Variants in CMSS1 observed in about 807,000 individuals in gnomAD.
The protein encoded by CMSS1 is protein CMSS1.
Under a neutral mutation model 43.5 loss-of-function variants are expected in CMSS1, and 33 were observed. The ratio of observed to expected loss-of-function variants is 0.76; its 90% confidence interval spans 0.57 to 1.01. The LOEUF (loss-of-function observed/expected upper bound fraction) is 1.01. CMSS1 is among the 50% of genes least tolerant of loss of function. The pLI, the probability that CMSS1 is intolerant of heterozygous loss-of-function variation, is 0.00. For synonymous variants in CMSS1, 115 were observed against 117.2 expected (o/e 0.98, Z 0.12); for missense variants, 313 against 326.4 (o/e 0.96, Z 0.32).
intron 1 of CMSS1, among the ~76,000 whole-genome samples, chr3:100,051,862 T>A (rs1017160205): frequency 1.3e-5 from 2 of 148,622 alleles, no homozygotes; most frequent in Non-Finnish European, 3.0e-5. Flanking sequence ...ATAGTATAAG[T>A]ATATAATTTA....
chr3:100,047,135 G>C (rs889969161), intron 1 of CMSS1, among the ~76,000 whole-genome samples: 9 of 152,090 alleles, frequency 5.9e-5, no homozygotes, highest in African/African-American at 1.9e-4. Context: ...TGGTAAAATG[G>C]GTATAATACT....
chr3:100,178,256 C>G, intron 9 of CMSS1, 49 bp from the exon 10 acceptor site: 1 of 1,163,824 alleles, frequency 8.6e-7, no homozygotes, highest in Non-Finnish European at 1.3e-6. Flanking sequence ...TCACCAAGAC[C>G]ATTTTGGCTT....
intron 1 of CMSS1, among the ~76,000 whole-genome samples, chr3:100,061,587 G>T (rs1455402228): frequency 6.6e-6 from 1 of 152,180 alleles, no homozygotes; most frequent in Non-Finnish European, 1.5e-5. Context: ...CTCATAATAA[G>T]AGCAGTACTA....
intron 1 of CMSS1, among the ~76,000 whole-genome samples, chr3:100,081,623 A>AAGTCT (rs2065933479): frequency 6.6e-6 from 1 of 152,244 alleles, no homozygotes. Flanking sequence ...TCTGCATGCC[A>AAGTCT]GTATAGTGTG....
chr3:100,168,299 G>A (rs1379793705), intron 6 of CMSS1, among the ~76,000 whole-genome samples: 2 of 152,146 alleles, frequency 1.3e-5, no homozygotes, highest in African/African-American at 4.8e-5. Context: ...GGTTCACTTT[G>A]GCTGCTGTGT....
At chr3:99,956,504 T>C (rs995566805) in intron 1 of CMSS1, among the ~76,000 whole-genome samples, 5 of 152,216 alleles carry the variant, frequency 3.3e-5, no homozygotes, top group South Asian at 2.1e-4. Context: ...AGGCACCCAC[T>C]ACCACACTCG....
intron 1 of CMSS1, among the ~76,000 whole-genome samples, chr3:99,869,883 C>G (rs1944703918): frequency 2.0e-5 from 3 of 152,174 alleles, no homozygotes; most frequent in Admixed American, 2.0e-4. Context: ...TCTGTCAGGG[C>G]AGCCCATCTT....
chr3:99,956,910 C>G (rs778168136), intron 1 of CMSS1, among the ~76,000 whole-genome samples: 1 of 152,096 alleles, frequency 6.6e-6, no homozygotes, highest in South Asian at 2.1e-4. Context: ...CAGCTTCTGC[C>G]CTCACCAATG....
chr3:100,035,548 AC>A (rs1358860318), intron 1 of CMSS1, among the ~76,000 whole-genome samples: 1 of 152,162 alleles, frequency 6.6e-6, no homozygotes, highest in East Asian at 1.9e-4. Context: ...CAGGCGTGAG[AC>A]ACTGCACACA....
chr3:100,059,961 T>C (rs1413746648), intron 1 of CMSS1, among the ~76,000 whole-genome samples: 1 of 151,266 alleles, frequency 6.6e-6, no homozygotes, highest in African/African-American at 2.4e-5. Context: ...AAATCACATA[T>C]GTATGAAATG....
At chr3:99,929,816 T>C in intron 1 of CMSS1, 1 of 1,500,312 alleles carries the variant, frequency 6.7e-7, no homozygotes, top group Non-Finnish European at 9.0e-7. Flanking sequence ...GGCTAGTGCT[T>C]GGCTGCCTCC....
In CMSS1 at chr3:99,930,953, T is replaced by G. The variant is rs745671205; in HGVS notation, c.64+112910T>G. 9.3e-6 allele frequency: 15 copies of G among 1,613,600 alleles called. No homozygotes were observed. The Admixed American group carries it at 2.2e-4, about 23-fold the overall frequency. On this transcript the variant is annotated intron_variant, in intron 1 of 9. Coordinates refer to ENST00000421999, the MANE Select transcript of CMSS1 (RefSeq NM_032359.4). ...CATGTTTTTAGGCCCTTGGAAACTG[T>G]GGCCTTTAGTATGTCTTGGAAATTT...
intron 1 of CMSS1, among the ~76,000 whole-genome samples, chr3:100,079,703 A>C (rs2065902241): frequency 6.6e-6 from 1 of 152,186 alleles, no homozygotes; most frequent in Admixed American, 6.5e-5. Flanking sequence ...TGCCCCAAAC[A>C]TTAGGTACCT....
chr3:99,925,945 T>G (rs1461549543), intron 1 of CMSS1: 1 of 927,908 alleles, frequency 1.1e-6, no homozygotes, highest in Non-Finnish European at 1.3e-6. Flanking sequence ...AAGAGCTAAC[T>G]CGGGATCTTT....
intron 1 of CMSS1, chr3:100,010,030 A>G (rs1559723965): frequency 5.4e-6 from 1 of 183,514 alleles, no homozygotes; most frequent in Non-Finnish European, 1.0e-5. Flanking sequence ...ATTGTCCATC[A>G]GTTGTTAAGA....
chr3:100,070,248 G>A (rs2065738756), intron 1 of CMSS1, among the ~76,000 whole-genome samples: 1 of 152,160 alleles, frequency 6.6e-6, no homozygotes, highest in Non-Finnish European at 1.5e-5. Context: ...GATTTTGTGG[G>A]GAGGTCAGTT....
chr3:99,914,534 A>G (rs1706891748), intron 1 of CMSS1, among the ~76,000 whole-genome samples: 1 of 152,228 alleles, frequency 6.6e-6, no homozygotes, highest in African/African-American at 2.4e-5. Context: ...TTACAACATC[A>G]TATCATGTTT....
At chr3:100,119,007 C>G (rs533755172) in intron 1 of CMSS1, among the ~76,000 whole-genome samples, 4 of 152,132 alleles carry the variant, frequency 2.6e-5, no homozygotes, top group Non-Finnish European at 5.9e-5. Flanking sequence ...TTTGTTGACT[C>G]TCTGAGCTTC....
intron 1 of CMSS1, among the ~76,000 whole-genome samples, chr3:99,946,185 A>T (rs1708002228): frequency 1.3e-5 from 2 of 152,240 alleles, no homozygotes; most frequent in Admixed American, 1.3e-4. Flanking sequence ...AAAGCATTTT[A>T]AAAAATTGGG....
Sources: gnomAD v4.1 joint callset for allele counts (sites outside exome capture counted in the v4.1 genomes callset) on GRCh38, gnomAD v4.1.1 for gene constraint, MANE v1.5 for transcripts, NCBI Gene and HGNC (gene_info 2026-07-23, HGNC 2026-07-21) for gene names.